Variants in SGCZ observed in about 807,000 individuals in gnomAD.
SGCZ encodes the protein sarcoglycan zeta.
A neutral mutation model predicts 41.3 loss-of-function variants in SGCZ; 40 were observed. The ratio of observed to expected loss-of-function variants is 0.97; its 90% confidence interval spans 0.75 to 1.26. The LOEUF (loss-of-function observed/expected upper bound fraction) is 1.26, where lower values mean the gene tolerates loss of function less well. Ranked by LOEUF, SGCZ falls within the 50% of genes most tolerant of loss-of-function variation. SGCZ has a pLI of 0.00. For synonymous variants in SGCZ, 206 were observed against 137.5 expected, an observed-to-expected ratio of 1.50 and a Z score of -3.49; for missense variants, 552 against 369.8, an observed-to-expected ratio of 1.49 and a Z score of -4.04.
At chr8:14,608,652 G>A (rs1805829801) in intron 1 of SGCZ, among the ~76,000 whole-genome samples, 1 of 494 alleles carries the variant, frequency 2.0e-3, no homozygotes. Flanking sequence ...CATACATTTG[G>A]TGGGCTGGTG....
rs531917896 is a variant in SGCZ, at chr8:14,496,217, C to T, written c.234+58515G>A. On this transcript the variant is annotated intron_variant, in intron 2 of 7. Coordinates refer to ENST00000382080, the MANE Select transcript of SGCZ (RefSeq NM_139167.4). ...AGTAGATGGGACTTCAGGTGCACAA[C>T]ATCATGCCTGGCTAATTTTTAAATT... Among the ~76,000 whole-genome samples the T allele has an allele frequency of 5.0e-4, 74 of 148,528 alleles. 3 individuals are homozygous for T. The South Asian group carries it at 0.016, about 32-fold the overall frequency.
At chr8:14,449,519 G>A (rs1439142725) in intron 2 of SGCZ, among the ~76,000 whole-genome samples, 2 of 152,052 alleles carry the variant, frequency 1.3e-5, no homozygotes, top group Admixed American at 6.6e-5. Context: ...TGTGTCCTCA[G>A]AATTACTATT....
At chr8:14,833,341 G>A (rs1021159785) in intron 1 of SGCZ, among the ~76,000 whole-genome samples, 2 of 152,190 alleles carry the variant, frequency 1.3e-5, no homozygotes, top group African/African-American at 4.8e-5. Context: ...AACCATCTAA[G>A]CGCACTGAAA....
intron 4 of SGCZ, among the ~76,000 whole-genome samples, chr8:14,181,300 G>A (rs1035305053): frequency 1.3e-5 from 2 of 152,182 alleles, no homozygotes; most frequent in African/African-American, 2.4e-5. Flanking sequence ...AAGTTCAATT[G>A]TTGGGTATAT....
chr8:14,420,645 A>C (rs1386095040), intron 2 of SGCZ, among the ~76,000 whole-genome samples: 1 of 152,074 alleles, frequency 6.6e-6, no homozygotes, highest in Non-Finnish European at 1.5e-5. Context: ...TAGATGCATT[A>C]GATCCTGTTC....
rs750167614 is a variant in SGCZ at position 15,149,711 on chromosome 8, C to CAAAAAAAAAAAAAAAAAAAAAAAAAA, written c.39+87873_39+87874insTTTTTTTTTTTTTTTTTTTTTTTTTT. Among the ~76,000 whole-genome samples the CAAAAAAAAAAAAAAAAAAAAAAAAAA allele has an allele frequency of 3.5e-5, 2 of 57,262 alleles. 1 individual carries two copies. Among genetic ancestry groups the CAAAAAAAAAAAAAAAAAAAAAAAAAA allele is most frequent in the African/African-American group, 9.1e-5 (2 of 22,094 alleles). 37.6% of individuals were successfully genotyped at this position (57,262 alleles called of 152,430 possible). Reference sequence around the variant, plus strand: ...CGACTGCTGGTATAACTATAAACTACAAAAAAAAAAAAAAAAAAAAAGCCT... The same window carrying CAAAAAAAAAAAAAAAAAAAAAAAAAA: ...CGACTGCTGGTATAACTATAAACTACAAAAAAAAAAAAAAAAAAAAAAAAAAAAAAAAAAAAAAAAAAAAAAAGCCT... On this transcript the variant is annotated intron_variant, in intron 1 of 7. Coordinates refer to ENST00000382080, the MANE Select transcript of SGCZ (RefSeq NM_139167.4).
In SGCZ at chr8:14,981,121, A is replaced by T. The variant is rs146401258; in HGVS notation, c.39+256464T>A. Among the ~76,000 whole-genome samples, 717 of 152,294 alleles carry T rather than the reference A, an allele frequency of 4.7e-3. 4 individuals carry two copies. Among genetic ancestry groups the T allele is most frequent in the South Asian group, 0.019 (91 of 4,828 alleles). On this transcript the variant is annotated intron_variant, in intron 1 of 7. Transcript: ENST00000382080. ...CCAACTCATATTTGCTGTGGAATAG[A>T]GCACATTCCCTTAGCCTTTCACTGA...
rs191561941 is a variant in SGCZ, at chr8:15,148,888, G to C, written c.39+88697C>G. Among the ~76,000 whole-genome samples the C allele has an allele frequency of 2.1e-4, 32 of 152,264 alleles. No homozygotes were observed. The East Asian group carries it at 6.2e-3, about 29-fold the overall frequency. On this transcript the variant is annotated intron_variant, in intron 1 of 7. Coordinates refer to ENST00000382080, the MANE Select transcript of SGCZ (RefSeq NM_139167.4). ...CCTCACACTGTCATAGTCGACAAAAGACTGACTGAAAGGCCAAAGAAAAGC... is the reference window on the plus strand; with the variant it reads ...CCTCACACTGTCATAGTCGACAAAACACTGACTGAAAGGCCAAAGAAAAGC...
intron 1 of SGCZ, among the ~76,000 whole-genome samples, chr8:14,771,666 T>C (rs1800243826): frequency 6.6e-6 from 1 of 152,106 alleles, no homozygotes; most frequent in African/African-American, 2.4e-5. Flanking sequence ...GAAGTCTCAA[T>C]TTGTTTGCAA....
At chr8:14,607,364 A>C (rs1348693529) in intron 1 of SGCZ, among the ~76,000 whole-genome samples, 1 of 152,150 alleles carries the variant, frequency 6.6e-6, no homozygotes, top group Non-Finnish European at 1.5e-5. Flanking sequence ...GCTTAAATAT[A>C]ACTTTTATGA....
chr8:14,216,357 G>A (rs1316538811), intron 4 of SGCZ, among the ~76,000 whole-genome samples: 2 of 151,686 alleles, frequency 1.3e-5, no homozygotes, highest in Non-Finnish European at 2.9e-5. Flanking sequence ...GTATTATATC[G>A]TCTCCTCCGA....
chr8:15,019,627 G>A lies in SGCZ; in HGVS notation c.39+217958C>T, dbSNP rs1398479865. 2.6e-5 allele frequency among the ~76,000 whole-genome samples: 4 copies of A among 151,748 alleles called. No homozygotes were observed. The East Asian group carries it at 7.8e-4, about 30-fold the overall frequency. On this transcript the variant is annotated intron_variant, in intron 1 of 7. Coordinates refer to ENST00000382080, the MANE Select transcript of SGCZ (RefSeq NM_139167.4). ...TCAGCTCCTCTGACCTGTGTTTGCT[G>A]GACAAAGGGAGGTGGGGGGCATTCT... is the stretch of plus-strand genomic sequence containing the variant.
At chr8:14,490,841 C>G (rs955407159) in intron 2 of SGCZ, among the ~76,000 whole-genome samples, 15 of 152,004 alleles carry the variant, frequency 9.9e-5, no homozygotes, top group African/African-American at 3.1e-4. Flanking sequence ...ATCATTTTAA[C>G]AGGTCATTCT....
At chr8:14,602,500 C>A (rs1434045653) in intron 1 of SGCZ, among the ~76,000 whole-genome samples, 1 of 152,008 alleles carries the variant, frequency 6.6e-6, no homozygotes, top group African/African-American at 2.4e-5. Context: ...GCCTGGGCAA[C>A]ATAGTGAGAT....
rs1585119331 is a variant in SGCZ, at chr8:14,606,159, T to C, written c.40-51233A>G. Among the ~76,000 whole-genome samples the C allele has an allele frequency of 2.0e-5, 3 of 152,260 alleles. No individual in the cohort carries two copies. In the South Asian group the frequency reaches 6.2e-4, roughly 32 times the overall value. ...CATGACTTCACTAATGCTAAAATAG[T>C]CTTTTTATTAGCCATCTCCTCCCTC... is the stretch of plus-strand genomic sequence containing the variant. On this transcript the variant is annotated intron_variant, in intron 1 of 7. Transcript: ENST00000382080.
chr8:14,774,777 C>G (rs1043878096), intron 1 of SGCZ, among the ~76,000 whole-genome samples: 2 of 152,140 alleles, frequency 1.3e-5, no homozygotes, highest in African/African-American at 2.4e-5. Flanking sequence ...CCAACATGAA[C>G]AAGTATTACT....
At chr8:14,370,075 G>T (rs535549296) in intron 2 of SGCZ, among the ~76,000 whole-genome samples, 1 of 151,832 alleles carries the variant, frequency 6.6e-6, no homozygotes, top group Admixed American at 6.6e-5. Flanking sequence ...TTATTATGCT[G>T]GAGCTCTGTG....
intron 2 of SGCZ, among the ~76,000 whole-genome samples, chr8:14,412,348 T>C (rs540306988): frequency 1.3e-5 from 2 of 152,222 alleles, no homozygotes; most frequent in South Asian, 4.1e-4. Context: ...ATAGTTTGCA[T>C]CCAATCTACA....
At chr8:14,139,808 A>G (rs1180906170) in intron 5 of SGCZ, among the ~76,000 whole-genome samples, 3 of 152,222 alleles carry the variant, frequency 2.0e-5, no homozygotes, top group Non-Finnish European at 4.4e-5. Flanking sequence ...CAATAGAAAA[A>G]GAGGGAATCC....
Sources: gnomAD v4.1 joint callset for allele counts (sites outside exome capture counted in the v4.1 genomes callset) on GRCh38, gnomAD v4.1.1 for gene constraint, MANE v1.5 for transcripts, NCBI Gene and HGNC (gene_info 2026-07-23, HGNC 2026-07-21) for gene names.